ASMTL: variants seen among roughly 807,000 people sequenced by gnomAD.
ASMTL encodes the protein acetylserotonin O-methyltransferase like, also known as probable bifunctional dTTP/UTP pyrophosphatase/methyltransferase protein.
ASMTL carries 57 observed loss-of-function variants against 60.3 expected under a neutral mutation model. The ratio of observed to expected loss-of-function variants is 0.95; its 90% CI spans 0.76 to 1.18. ASMTL has a LOEUF of 1.18. ASMTL is among the 50% of genes most tolerant of loss of function. ASMTL has a pLI of 0.00. For missense variants in ASMTL, 981 were observed against 852.6 expected, an observed-to-expected ratio of 1.15 and a Z score of -1.88; for synonymous variants, 419 against 373.0, an observed-to-expected ratio of 1.12 and a Z score of -1.42.
At chrX:1,440,130 A>C in intron 2 of ASMTL, among the ~76,000 whole-genome samples, 1 of 145,600 alleles carries the variant, frequency 6.9e-6, no homozygotes. Context: ...TCTGTCGCCC[A>C]GGCTGGAGGG....
At position 1,445,634 on chromosome X, in the gene ASMTL, G is replaced by A. The variant is rs1447246011; in HGVS notation, c.94-3317C>T. Among the ~76,000 whole-genome samples the A allele has an allele frequency of 9.7e-4, 148 of 151,994 alleles. 2 individuals are homozygous for A. Among genetic ancestry groups the A allele is most frequent in the Middle Eastern group, 3.4e-3 (1 of 292 alleles). On this transcript the variant is annotated intron_variant, in intron 1 of 12. Transcript: ENST00000381317. ...GTGGGCGGCAAGACACCCAGGTGCT[G>A]AGGCAAGAGACCGAGGACACGAGCT... is the stretch of plus-strand genomic sequence containing the variant.
intron 11 of ASMTL, among the ~76,000 whole-genome samples, chrX:1,415,858 GCA>G (rs1179654549): frequency 6.6e-6 from 1 of 150,864 alleles, no homozygotes; most frequent in Non-Finnish European, 1.5e-5. Flanking sequence ...ACAGACACAG[GCA>G]CACACACATA....
Position 1,427,946 on chromosome X carries a change from T to G in ASMTL, c.685A>C (p.Ile229Leu). ...TCTTCGAAGGTGTCCGCGGCCGGGA[T>G]GGAGTCGTGCTTGACACTCCGCCGC... Reference protein sequence around the residue: ...DLRRSVKHDSIPAADTFEDLS... With the variant: ...DLRRSVKHDSLPAADTFEDLS... Residue 229 changes from isoleucine to leucine, a missense_variant, in exon 7 of 13, where the codon ATC becomes CTC. Physicochemically the swap from Ile to Leu is conservative, Grantham distance 5. Transcript: ENST00000381317. 1 of 1,613,468 alleles carries G rather than the reference T, an allele frequency of 6.2e-7. No individual in the cohort carries two copies. The highest frequency in any genetic ancestry group is 8.5e-7 in the Non-Finnish European group (1 of 1,179,816).
At position 1,452,784 on chromosome X, in the gene ASMTL, G is replaced by T. The variant is rs1238268974; in HGVS notation, c.57C>A (p.Ser19Arg). ...GGATCTCCTGACGGCGTGGGGAGGC[G>T]CTGGCCAGCACCACGCGCTTGTGCA... ...KLLHKRVVLA[S>R]ASPRRQEILS... is the part of the protein sequence containing the mutation. The change falls in exon 1 of 13, where the codon AGC (serine) becomes AGA (arginine). Residue 19 changes from serine (S) to arginine (R), a missense_variant. Physicochemically the swap from Ser to Arg is moderately radical, Grantham distance 110. Coordinates refer to ENST00000381317, the MANE Select transcript of ASMTL (RefSeq NM_004192.4). 6.3e-7 allele frequency: 1 copy of T among 1,596,550 alleles called. No individual in the cohort carries two copies.
chrX:1,443,140 C>CACCGCCGTCGTGGACACAT (rs1373341125), intron 1 of ASMTL, among the ~76,000 whole-genome samples: 47,170 of 138,990 alleles, frequency 0.34, 10,438 homozygotes, highest in South Asian at 0.51. Context: ...CGTGGACACA[C>CACCGCCGTCGTGGACACAT]GCCGCCATCT....
chrX:1,411,061 A>T (rs5948998), intron 12 of ASMTL, among the ~76,000 whole-genome samples: 8 of 151,554 alleles, frequency 5.3e-5, no homozygotes, highest in African/African-American at 1.5e-4. Flanking sequence ...GGTATGTGCC[A>T]GTAATCCAGC....
intron 4 of ASMTL, 146 bp from the exon 5 acceptor site, chrX:1,435,229 G>A (rs1340658522): frequency 7.0e-6 from 6 of 860,788 alleles, no homozygotes; most frequent in African/African-American, 5.1e-5. Flanking sequence ...CCCGCTGTGG[G>A]GTCTCCAGGG....
At chrX:1,433,402 A>G (rs1280796156) in intron 5 of ASMTL, among the ~76,000 whole-genome samples, 2 of 148,128 alleles carry the variant, frequency 1.4e-5, no homozygotes, top group Non-Finnish European at 3.0e-5. Flanking sequence ...GCGGTGGCTC[A>G]CGCCTGTCAT....
intron 6 of ASMTL, among the ~76,000 whole-genome samples, chrX:1,430,763 C>G (rs1369687498): frequency 1.4e-5 from 2 of 146,974 alleles, no homozygotes; most frequent in Admixed American, 1.4e-4. Flanking sequence ...CAGAGTGAGA[C>G]CGTGTCTCAA....
chrX:1,419,179 C>T, intron 9 of ASMTL, 65 bp from the exon 10 acceptor site: 1 of 1,581,870 alleles, frequency 6.3e-7, no homozygotes, highest in Non-Finnish European at 8.6e-7. Context: ...CAGCCTCTCC[C>T]TGGGGGTCGG....
chrX:1,439,821 G>C (rs1157768398), intron 2 of ASMTL, among the ~76,000 whole-genome samples: 1 of 145,958 alleles, frequency 6.9e-6, no homozygotes. Context: ...GGGTGACAGA[G>C]TGAGACTCAG....
chrX:1,430,356 A>G (rs2090736906), intron 6 of ASMTL, among the ~76,000 whole-genome samples: 1 of 152,032 alleles, frequency 6.6e-6, no homozygotes, highest in African/African-American at 2.4e-5. Flanking sequence ...ACTGTTTTAT[A>G]TTCCATATAA....
intron 6 of ASMTL, among the ~76,000 whole-genome samples, chrX:1,430,989 CACTT>C (rs2090758131): frequency 7.4e-6 from 1 of 135,488 alleles, no homozygotes; most frequent in African/African-American, 2.9e-5. Context: ...CATATAATCA[CACTT>C]TATATTATTA....
chrX:1,436,178 C>T (rs1225986972), intron 3 of ASMTL, among the ~76,000 whole-genome samples: 2 of 152,150 alleles, frequency 1.3e-5, no homozygotes, highest in Admixed American at 6.6e-5. Flanking sequence ...CAGCCTCGTT[C>T]CTTTCCTTTT....
intron 1 of ASMTL, among the ~76,000 whole-genome samples, chrX:1,446,666 A>AT (rs2091237862): frequency 1.3e-5 from 2 of 151,876 alleles, no homozygotes; most frequent in East Asian, 1.9e-4. Flanking sequence ...CGCCCGGCTA[A>AT]TTTTTTGTAA....
At chrX:1,413,324 C>T (rs181425677) in intron 11 of ASMTL, among the ~76,000 whole-genome samples, 78 of 151,076 alleles carry the variant, frequency 5.2e-4, no homozygotes, top group South Asian at 4.7e-3. Context: ...ATCGCGCCAT[C>T]GCACTCCAGC....
chrX:1,453,109 C>A, upstream of ASMTL, among the ~76,000 whole-genome samples: 1 of 148,626 alleles, frequency 6.7e-6, no homozygotes, highest in South Asian at 2.2e-4. Context: ...ATGTCACGCC[C>A]CATTGATCTC....
At chrX:1,413,408 C>T (rs2090112325) in intron 11 of ASMTL, among the ~76,000 whole-genome samples, 2 of 152,164 alleles carry the variant, frequency 1.3e-5, no homozygotes, top group African/African-American at 2.4e-5. Context: ...CAGGCAGAGT[C>T]GGCGCACATG....
chrX:1,443,632 G>A (rs1299635856), intron 1 of ASMTL, among the ~76,000 whole-genome samples: 5 of 145,034 alleles, frequency 3.4e-5, no homozygotes, highest in African/African-American at 1.3e-4. Flanking sequence ...CACCGCCATC[G>A]TGGACAGACA....
Sources: allele counts gnomAD v4.1 joint callset (sites outside exome capture counted in the v4.1 genomes callset), GRCh38; gene constraint gnomAD v4.1.1; transcripts MANE v1.5; gene names NCBI Gene and HGNC (gene_info 2026-07-23, HGNC 2026-07-21).